The following FBXL17 variants were observed in gnomAD, a reference collection of about 807,000 sequenced individuals.
FBXL17 encodes the protein F-box/LRR-repeat protein 17.
A neutral mutation model predicts 66.2 loss-of-function variants in FBXL17; 22 were observed. The ratio of observed to expected loss-of-function variants is 0.33; its 90% CI spans 0.24 to 0.47. The LOEUF is 0.47. Among genes scored for constraint, FBXL17 ranks in the 20% least tolerant of loss-of-function variants. The pLI, the probability that FBXL17 is intolerant of heterozygous loss-of-function variation, is 1.00. For synonymous variants in FBXL17, 474 were observed against 400.5 expected, an observed-to-expected ratio of 1.18 and a Z score of -2.19; for missense variants, 878 against 948.2, an observed-to-expected ratio of 0.93 and a Z score of 0.97.
chr5:108,188,827 C>T (rs1237703442), intron 5 of FBXL17, among the ~76,000 whole-genome samples: 6 of 152,110 alleles, frequency 3.9e-5, no homozygotes, highest in Non-Finnish European at 7.3e-5. Context: ...TATATCTTAC[C>T]TCTCATTGTA....
At chr5:108,126,004 C>T (rs1315931258) in intron 6 of FBXL17, among the ~76,000 whole-genome samples, 2 of 151,982 alleles carry the variant, frequency 1.3e-5, no homozygotes, top group African/African-American at 4.8e-5. Context: ...TGGAAAAATC[C>T]TATTTCTCAA....
chr5:108,231,321 A>G (rs757203299), intron 4 of FBXL17, among the ~76,000 whole-genome samples: 2 of 152,164 alleles, frequency 1.3e-5, no homozygotes, highest in Non-Finnish European at 2.9e-5. Context: ...ATGCTCATAT[A>G]CAGTTAATCA....
chr5:108,040,495 C>T (rs1384649238), intron 6 of FBXL17, among the ~76,000 whole-genome samples: 1 of 151,934 alleles, frequency 6.6e-6, no homozygotes, highest in East Asian at 1.9e-4. Context: ...AATTCTATTT[C>T]TGCACACACA....
chr5:108,207,499 G>A (rs547670140), intron 5 of FBXL17, among the ~76,000 whole-genome samples: 1 of 152,034 alleles, frequency 6.6e-6, no homozygotes, highest in Non-Finnish European at 1.5e-5. Flanking sequence ...CCCCCAACAG[G>A]CCCCGGAGTG....
chr5:108,067,265 T>C (rs775716436), intron 6 of FBXL17, among the ~76,000 whole-genome samples: 14 of 152,178 alleles, frequency 9.2e-5, no homozygotes, highest in Non-Finnish European at 1.3e-4. Context: ...ACTTAATATC[T>C]ACTTCGTATT....
intron 6 of FBXL17, among the ~76,000 whole-genome samples, chr5:108,067,006 T>A (rs1411871995): frequency 6.6e-6 from 1 of 152,066 alleles, no homozygotes; most frequent in Non-Finnish European, 1.5e-5. Flanking sequence ...AACTATTAAT[T>A]TTCTTCTTAT....
At chr5:108,299,330 A>T in intron 4 of FBXL17, 1 of 984,796 alleles carries the variant, frequency 1.0e-6, no homozygotes, top group Non-Finnish European at 1.2e-6. Flanking sequence ...CTACCTCAAG[A>T]TACCATTAAA....
intron 4 of FBXL17, among the ~76,000 whole-genome samples, chr5:108,326,099 G>C (rs1314461266): frequency 1.3e-5 from 2 of 152,068 alleles, no homozygotes; most frequent in African/African-American, 4.8e-5. Context: ...GAAGATTTTA[G>C]ACAAGACCCA....
At chr5:108,205,988 C>T (rs1289552515) in intron 5 of FBXL17, among the ~76,000 whole-genome samples, 1 of 152,120 alleles carries the variant, frequency 6.6e-6, no homozygotes, top group Non-Finnish European at 1.5e-5. Flanking sequence ...TTAAGGTCTG[C>T]TGTCTCACTT....
At chr5:107,887,026 G>C (rs1748995355) in intron 7 of FBXL17, among the ~76,000 whole-genome samples, 1 of 151,930 alleles carries the variant, frequency 6.6e-6, no homozygotes, top group South Asian at 2.1e-4. Context: ...GACAAATCAG[G>C]GAAAACTAGT....
At chr5:108,313,044 C>G (rs1319507923) in intron 4 of FBXL17, among the ~76,000 whole-genome samples, 1 of 152,090 alleles carries the variant, frequency 6.6e-6, no homozygotes, top group Non-Finnish European at 1.5e-5. Context: ...TACTAAAAAT[C>G]TGACTGTCCA....
At chr5:108,152,703 G>C (rs917419180) in intron 6 of FBXL17, among the ~76,000 whole-genome samples, 1 of 152,046 alleles carries the variant, frequency 6.6e-6, no homozygotes, top group Non-Finnish European at 1.5e-5. Context: ...TGGAATTCAG[G>C]GAGCATCATG....
chr5:108,229,102 C>T (rs1012219690), intron 4 of FBXL17, among the ~76,000 whole-genome samples: 2 of 152,136 alleles, frequency 1.3e-5, no homozygotes, highest in African/African-American at 4.8e-5. Context: ...GCAGTATGGT[C>T]ATTTTCACAA....
At chr5:107,951,896 T>C (rs1751510915) in intron 7 of FBXL17, among the ~76,000 whole-genome samples, 2 of 152,190 alleles carry the variant, frequency 1.3e-5, no homozygotes, top group South Asian at 4.1e-4. Flanking sequence ...CAACCTTTAC[T>C]TGTACAAAAC....
chr5:108,140,183 C>G (rs1314997092), intron 6 of FBXL17, among the ~76,000 whole-genome samples: 1 of 152,098 alleles, frequency 6.6e-6, no homozygotes, highest in Non-Finnish European at 1.5e-5. Flanking sequence ...GTAGTTGGGA[C>G]TATAGGCACA....
chr5:108,272,220 G>T (rs555436771), intron 4 of FBXL17, among the ~76,000 whole-genome samples: 1 of 152,058 alleles, frequency 6.6e-6, no homozygotes, highest in African/African-American at 2.4e-5. Flanking sequence ...GAACCCAGGA[G>T]GCGGAGCTTG....
intron 5 of FBXL17, among the ~76,000 whole-genome samples, chr5:108,199,118 T>C (rs1490404830): frequency 1.3e-5 from 2 of 152,126 alleles, no homozygotes; most frequent in African/African-American, 2.4e-5. Context: ...CTAGTATACA[T>C]CTAAGGTAGG....
At chr5:108,213,458 T>C (rs911737663) in intron 5 of FBXL17, among the ~76,000 whole-genome samples, 5 of 152,198 alleles carry the variant, frequency 3.3e-5, no homozygotes, top group South Asian at 2.1e-4. Context: ...GGTTTGCAGA[T>C]TGCAAAGACC....
chr5:108,311,032 CAAAT>C (rs1191203989), intron 4 of FBXL17, among the ~76,000 whole-genome samples: 1 of 152,104 alleles, frequency 6.6e-6, no homozygotes, highest in African/African-American at 2.4e-5. Flanking sequence ...CAATTCAACA[CAAAT>C]AAAATTTGGG....
Sources: allele counts gnomAD v4.1 joint callset (sites outside exome capture counted in the v4.1 genomes callset), GRCh38; gene constraint gnomAD v4.1.1; transcripts MANE v1.5; gene names NCBI Gene and HGNC (gene_info 2026-07-23, HGNC 2026-07-21).